The following MAML3 variants were observed in gnomAD, a reference collection of about 807,000 sequenced individuals.
MAML3 encodes the protein mastermind like transcriptional coactivator 3.
MAML3 carries 27 observed loss-of-function variants against 101.9 expected under a neutral mutation model. The ratio of observed to expected loss-of-function variants is 0.27; its 90% CI spans 0.20 to 0.37. The LOEUF (loss-of-function observed/expected upper bound fraction) is 0.37, where lower values mean the gene tolerates loss of function less well. Among genes scored for constraint, MAML3 ranks in the 10% least tolerant of loss-of-function variants. The probability of loss-of-function intolerance (pLI) is 1.00; values close to 1 mark genes in which losing one functional copy is unlikely to be tolerated. For missense variants in MAML3, 1,316 were observed against 1,444.9 expected (o/e 0.91, Z 1.45); for synonymous variants, 501 against 555.9 (o/e 0.90, Z 1.39).
At chr4:139,810,271 C>T (rs113047346) in intron 2 of MAML3, among the ~76,000 whole-genome samples, 3,871 of 149,686 alleles carry the variant, frequency 0.026, 180 homozygotes, top group African/African-American at 0.091. Flanking sequence ...TAGCTCGCTG[C>T]AGCCTCAAAC....
intron 2 of MAML3, among the ~76,000 whole-genome samples, chr4:139,800,284 A>G (rs570946044): frequency 6.6e-6 from 1 of 152,292 alleles, no homozygotes; most frequent in East Asian, 1.9e-4. Context: ...TAGATTGTTT[A>G]ATGATTACCT....
At chr4:139,929,635 C>T (rs1015739813) in intron 1 of MAML3, among the ~76,000 whole-genome samples, 4 of 152,296 alleles carry the variant, frequency 2.6e-5, no homozygotes, top group Admixed American at 1.3e-4. Context: ...TGGTACATAA[C>T]GTATGGGCAG....
intron 1 of MAML3, among the ~76,000 whole-genome samples, chr4:140,041,749 C>T (rs1727089635): frequency 1.3e-5 from 2 of 152,176 alleles, no homozygotes. Flanking sequence ...AATGATCTTA[C>T]CTCTAGCATG....
chr4:139,762,564 A>C (rs1578588535), intron 2 of MAML3, among the ~76,000 whole-genome samples: 1 of 152,216 alleles, frequency 6.6e-6, no homozygotes. Flanking sequence ...AGAGAGTTAC[A>C]GAAATATTCA....
At chr4:139,873,506 G>A (rs1476117106) in intron 2 of MAML3, among the ~76,000 whole-genome samples, 2 of 152,172 alleles carry the variant, frequency 1.3e-5, no homozygotes, top group Non-Finnish European at 2.9e-5. Flanking sequence ...CTGGAGTGTG[G>A]CTGGACTTAA....
At chr4:140,112,745 C>T (rs1189563034) in intron 1 of MAML3, among the ~76,000 whole-genome samples, 1 of 152,202 alleles carries the variant, frequency 6.6e-6, no homozygotes, top group Non-Finnish European at 1.5e-5. Flanking sequence ...GGGTTACTTC[C>T]CTGCTTGTGC....
At chr4:139,979,954 A>G (rs1734415759) in intron 1 of MAML3, among the ~76,000 whole-genome samples, 1 of 152,174 alleles carries the variant, frequency 6.6e-6, no homozygotes, top group South Asian at 2.1e-4. Context: ...CCATTGTCCC[A>G]CCCAGGGTCT....
At chr4:140,081,296 T>C (rs567434048) in intron 1 of MAML3, among the ~76,000 whole-genome samples, 3 of 151,056 alleles carry the variant, frequency 2.0e-5, no homozygotes, top group African/African-American at 7.3e-5. Flanking sequence ...GAACACAAAA[T>C]GTAAACACAC....
chr4:140,001,668 A>G (rs1418262461), intron 1 of MAML3, among the ~76,000 whole-genome samples: 2 of 152,230 alleles, frequency 1.3e-5, no homozygotes, highest in Non-Finnish European at 2.9e-5. Context: ...AATATTTCCC[A>G]GTATATCCAG....
At chr4:139,883,145 A>C (rs984605660) in intron 2 of MAML3, among the ~76,000 whole-genome samples, 19 of 152,220 alleles carry the variant, frequency 1.2e-4, no homozygotes, top group African/African-American at 3.9e-4. Context: ...CAGACCAAGA[A>C]AACTGCAGGA....
intron 1 of MAML3, among the ~76,000 whole-genome samples, chr4:140,026,976 C>CTGATCCTT (rs2110885596): frequency 6.6e-6 from 1 of 151,896 alleles, no homozygotes; most frequent in African/African-American, 2.4e-5. Context: ...TTCCATAGTA[C>CTGATCCTT]TGATCCTTAG....
chr4:139,922,988 C>A (rs1009787100), intron 1 of MAML3, among the ~76,000 whole-genome samples: 1 of 152,116 alleles, frequency 6.6e-6, no homozygotes, highest in Admixed American at 6.5e-5. Context: ...CTCACGGGAT[C>A]CCCTGCACCC....
chr4:139,798,042 A>G (rs376636310), intron 2 of MAML3, among the ~76,000 whole-genome samples: 46 of 17,088 alleles, frequency 2.7e-3, no homozygotes, highest in Admixed American at 3.9e-3. Flanking sequence ...GAGAGAAAGA[A>G]AGAAAGAAAG....
intron 1 of MAML3, among the ~76,000 whole-genome samples, chr4:140,008,590 C>T (rs1726496279): frequency 7.3e-6 from 1 of 137,830 alleles, no homozygotes; most frequent in African/African-American, 2.4e-5. Flanking sequence ...ACAGGTCTTA[C>T]TCTTTTTTTT....
intron 1 of MAML3, among the ~76,000 whole-genome samples, chr4:139,896,492 C>T (rs1406917452): frequency 1.3e-5 from 2 of 152,142 alleles, no homozygotes; most frequent in African/African-American, 4.8e-5. Context: ...ATGCCTATGA[C>T]AATATGGGCT....
At chr4:139,976,954 A>T (rs187900998) in intron 1 of MAML3, among the ~76,000 whole-genome samples, 3 of 151,006 alleles carry the variant, frequency 2.0e-5, no homozygotes, top group Admixed American at 2.0e-4. Flanking sequence ...GTATTCCCCC[A>T]AAATTCATAT....
intron 1 of MAML3, among the ~76,000 whole-genome samples, chr4:139,929,992 G>C (rs1380965472): frequency 1.3e-5 from 2 of 152,134 alleles, no homozygotes; most frequent in African/African-American, 4.8e-5. Context: ...GCATCCACCT[G>C]CTTTCCCATC....
At chr4:140,057,099 AC>A in intron 1 of MAML3, among the ~76,000 whole-genome samples, 1 of 151,964 alleles carries the variant, frequency 6.6e-6, no homozygotes, top group Non-Finnish European at 1.5e-5. Context: ...ATGAAGCAAG[AC>A]CCCCGTCTCT....
At chr4:139,768,222 T>TGTGTGTGTG (rs1729903208) in intron 2 of MAML3, among the ~76,000 whole-genome samples, 1 of 136,344 alleles carries the variant, frequency 7.3e-6, no homozygotes, top group Non-Finnish European at 1.6e-5. Flanking sequence ...CTGTTGATAG[T>TGTGTGTGTG]TGTGTGTGTG....
Sources: allele counts gnomAD v4.1 joint callset (sites outside exome capture counted in the v4.1 genomes callset), GRCh38; gene constraint gnomAD v4.1.1; transcripts MANE v1.5; gene names NCBI Gene and HGNC (gene_info 2026-07-23, HGNC 2026-07-21).